Variants in SUSD6 observed in about 807,000 individuals in gnomAD.
SUSD6 encodes sushi domain containing 6, also known as sushi domain-containing protein 6.
Under a neutral mutation model 28.4 loss-of-function variants are expected in SUSD6, and 16 were observed. That is an observed-to-expected ratio of 0.56 (90% CI 0.38 to 0.86). The LOEUF is 0.86. SUSD6 is among the 40% of genes least tolerant of loss of function. SUSD6 has a pLI of 0.00. For missense variants in SUSD6, 341 were observed against 384.2 expected, an observed-to-expected ratio of 0.89 and a Z score of 0.94; for synonymous variants, 147 against 159.6, an observed-to-expected ratio of 0.92 and a Z score of 0.59.
chr14:69,611,938 G>A (rs1884880899), intron 1 of SUSD6, 110 bp downstream of exon 1: 1 of 150,976 alleles, frequency 6.6e-6, no homozygotes, highest in Admixed American at 6.6e-5. Flanking sequence ...GAGTGACGCT[G>A]GCCGGAGCCC....
chr14:69,626,969 G>A (rs1258224645), intron 1 of SUSD6, among the ~76,000 whole-genome samples: 1 of 151,940 alleles, frequency 6.6e-6, no homozygotes, highest in Non-Finnish European at 1.5e-5. Context: ...ACAGGCATGA[G>A]CCACTGCAAC....
intron 2 of SUSD6, among the ~76,000 whole-genome samples, chr14:69,675,207 T>C (rs1885889614): frequency 6.6e-6 from 1 of 152,216 alleles, no homozygotes; most frequent in Non-Finnish European, 1.5e-5. Flanking sequence ...GCCTCAGTTT[T>C]GCTCACCTTG....
intron 2 of SUSD6, among the ~76,000 whole-genome samples, chr14:69,701,665 G>T: frequency 6.6e-6 from 1 of 152,178 alleles, no homozygotes; most frequent in African/African-American, 2.4e-5. Flanking sequence ...TCTGGTGGTG[G>T]AGGAGAATAG....
At chr14:69,657,716 G>A (rs910319130) in intron 1 of SUSD6, among the ~76,000 whole-genome samples, 2 of 152,200 alleles carry the variant, frequency 1.3e-5, no homozygotes, top group Admixed American at 6.5e-5. Flanking sequence ...GTAATGTATC[G>A]TCAACCCATT....
chr14:69,702,560 C>G (rs1375568745), intron 2 of SUSD6, among the ~76,000 whole-genome samples: 4 of 152,222 alleles, frequency 2.6e-5, no homozygotes, highest in Non-Finnish European at 4.4e-5. Flanking sequence ...GACACCCATA[C>G]CCCTTAAAGG....
intron 1 of SUSD6, among the ~76,000 whole-genome samples, chr14:69,640,316 T>C (rs184341433): frequency 7.6e-4 from 116 of 151,892 alleles, no homozygotes; most frequent in Non-Finnish European, 1.5e-3. Flanking sequence ...TATATATATA[T>C]ACACACACAC....
At chr14:69,611,878 G>A (rs932271963) in intron 1 of SUSD6, 50 bp downstream of exon 1, 2 of 151,556 alleles carry the variant, frequency 1.3e-5, no homozygotes, top group African/African-American at 4.8e-5. Flanking sequence ...TTGTGCCATC[G>A]ACGCGCTCGG....
At position 69,670,495 on chromosome 14, in the gene SUSD6, C is replaced by T. The variant is rs1385618287; in HGVS notation, c.121+11782C>T. The T allele has an allele frequency of 1.1e-5, 5 of 456,620 alleles. No individual in the cohort carries two copies. The East Asian group carries it at 2.1e-4, about 19-fold the overall frequency. 28.3% of individuals were successfully genotyped at this position (456,620 alleles called of 1,614,324 possible). A position where few individuals can be genotyped will look rare whatever the true frequency, so the allele number is the denominator to read the frequency against. ...CTTTTCTGAGGGAGAGAAGTCTACA[C>T]TGAGATCTAAAGGCAAGTGAGTTAA... On this transcript the variant is annotated intron_variant, in intron 2 of 5. Transcript: ENST00000342745.
At chr14:69,634,803 A>T in intron 1 of SUSD6, among the ~76,000 whole-genome samples, 1 of 152,216 alleles carries the variant, frequency 6.6e-6, no homozygotes, top group East Asian at 1.9e-4. Context: ...TTGGGGTGGC[A>T]TCCCCACTAC....
At chr14:69,639,335 A>AAAG (rs1390225827) in intron 1 of SUSD6, among the ~76,000 whole-genome samples, 4 of 150,846 alleles carry the variant, frequency 2.7e-5, no homozygotes, top group South Asian at 4.2e-4. Flanking sequence ...AAAAAAAAAA[A>AAAG]AAAAGAAATA....
intron 1 of SUSD6, among the ~76,000 whole-genome samples, chr14:69,647,801 A>G (rs372867343): frequency 2.0e-5 from 3 of 152,298 alleles, no homozygotes; most frequent in East Asian, 3.9e-4. Flanking sequence ...CCTGGCCAAC[A>G]TGGTGAAACC....
intron 2 of SUSD6, among the ~76,000 whole-genome samples, chr14:69,676,508 T>C (rs1885912353): frequency 1.3e-5 from 2 of 152,072 alleles, no homozygotes; most frequent in African/African-American, 4.8e-5. Flanking sequence ...GCCTTCTGAG[T>C]AGCTGGGACT....
At chr14:69,670,635 G>A (rs1031057067) in intron 2 of SUSD6, 7 of 425,214 alleles carry the variant, frequency 1.6e-5, no homozygotes, top group Non-Finnish European at 3.4e-5. Flanking sequence ...CAAGTTTCTC[G>A]AACTCTACGT....
intron 2 of SUSD6, among the ~76,000 whole-genome samples, chr14:69,702,919 A>C (rs1306680965): frequency 6.6e-6 from 1 of 152,214 alleles, no homozygotes; most frequent in East Asian, 1.9e-4. Context: ...GAAGCCTCCC[A>C]GGGAATCTAT....
chr14:69,632,905 C>G (rs927211571), intron 1 of SUSD6, among the ~76,000 whole-genome samples: 1 of 152,162 alleles, frequency 6.6e-6, no homozygotes, highest in Non-Finnish European at 1.5e-5. Context: ...TTCACAGGTT[C>G]CTATCTCCAC....
At chr14:69,619,980 G>T (rs1885013950) in intron 1 of SUSD6, among the ~76,000 whole-genome samples, 1 of 152,164 alleles carries the variant, frequency 6.6e-6, no homozygotes. Context: ...CTCTAACCAG[G>T]CACAAAGGAA....
At chr14:69,701,538 T>G (rs1886312905) in intron 2 of SUSD6, among the ~76,000 whole-genome samples, 1 of 152,212 alleles carries the variant, frequency 6.6e-6, no homozygotes, top group African/African-American at 2.4e-5. Flanking sequence ...GTGTAAAGGC[T>G]AAAGCAGTTT....
At chr14:69,671,392 TC>T in intron 2 of SUSD6, among the ~76,000 whole-genome samples, 1 of 152,284 alleles carries the variant, frequency 6.6e-6, no homozygotes, top group Non-Finnish European at 1.5e-5. Context: ...GCCCTTCTGG[TC>T]CGAGGGAAGA....
intron 1 of SUSD6, among the ~76,000 whole-genome samples, chr14:69,655,097 C>G (rs772327223): frequency 2.6e-5 from 4 of 151,940 alleles, no homozygotes; most frequent in Non-Finnish European, 5.9e-5. Context: ...CCGGCAGTTA[C>G]CAATTTCTTA....
Sources: gnomAD v4.1 joint callset for allele counts (sites outside exome capture counted in the v4.1 genomes callset) on GRCh38, gnomAD v4.1.1 for gene constraint, MANE v1.5 for transcripts, NCBI Gene and HGNC (gene_info 2026-07-23, HGNC 2026-07-21) for gene names.